LRP1B: variants seen among roughly 807,000 people sequenced by gnomAD.
The protein encoded by LRP1B is low-density lipoprotein receptor-related protein 1B.
In LRP1B, 217 loss-of-function variants were observed where a neutral mutation model predicts 556.6. The observed-to-expected ratio is 0.39, with a 90% CI of 0.35 to 0.44. LRP1B has a LOEUF of 0.44. Among genes scored for constraint, LRP1B ranks in the 20% least tolerant of loss-of-function variants. LRP1B has a pLI of 1.00. For synonymous variants in LRP1B, 2,047 were observed against 1,865.8 expected (o/e 1.10, Z -2.50); for missense variants, 5,053 against 5,620.8 (o/e 0.90, Z 3.23).
chr2:141,415,402 G>A (rs1262135774), intron 3 of LRP1B, among the ~76,000 whole-genome samples: 2 of 152,002 alleles, frequency 1.3e-5, no homozygotes, highest in East Asian at 1.9e-4. Flanking sequence ...GTTCCTACAA[G>A]AGAATAGCTA....
At chr2:141,155,999 A>G in intron 7 of LRP1B, among the ~76,000 whole-genome samples, 1 of 152,064 alleles carries the variant, frequency 6.6e-6, no homozygotes, top group Admixed American at 6.6e-5. Flanking sequence ...AAGGACTCCA[A>G]CTCCATCACC....
chr2:142,127,451 T>A (rs2105022554), intron 1 of LRP1B, among the ~76,000 whole-genome samples: 1 of 152,002 alleles, frequency 6.6e-6, no homozygotes, highest in South Asian at 2.1e-4. Flanking sequence ...TAACTCCATT[T>A]TTCCTCCTGA....
chr2:141,759,798 C>G (rs939403149), intron 2 of LRP1B, among the ~76,000 whole-genome samples: 2 of 152,086 alleles, frequency 1.3e-5, no homozygotes, highest in African/African-American at 4.8e-5. Flanking sequence ...GAGACATTGT[C>G]TGAGAACTTT....
Position 140,908,685 on chromosome 2 carries a change from C to T in LRP1B, c.3320-608G>A, listed in dbSNP as rs140665483. 2.4e-4 allele frequency among the ~76,000 whole-genome samples: 36 copies of T among 151,838 alleles called. No individual in the cohort carries two copies. In the East Asian group the frequency reaches 4.3e-3, roughly 18 times the overall value. On this transcript the variant is annotated intron_variant, in intron 21 of 90. Coordinates refer to ENST00000389484, the MANE Select transcript of LRP1B (RefSeq NM_018557.3). ...CATTTTGGCGACTAACATGTATAGA[C>T]GGAATTTATAGAATTTTTTTATTGT...
At chr2:140,965,150 G>A (rs716000) in intron 18 of LRP1B, among the ~76,000 whole-genome samples, 17,285 of 152,132 alleles carry the variant, frequency 0.11, 1,068 homozygotes, top group East Asian at 0.19. Context: ...GCATATTAAA[G>A]TTCCCCTGGG....
chr2:141,291,652 C>T (rs1258979256), intron 3 of LRP1B, among the ~76,000 whole-genome samples: 3 of 151,796 alleles, frequency 2.0e-5, no homozygotes, highest in East Asian at 1.9e-4. Context: ...GTCAGGATAT[C>T]GAGACCATCC....
In LRP1B at chr2:140,867,730, C is replaced by T. The variant is rs1246976675; in HGVS notation, c.4439G>A (p.Ser1480Asn). ...SHPFAVSLYG[S>N]EVYWTDWRTN... is the part of the protein sequence containing the mutation. The stretch of plus-strand genomic sequence containing the variant: ...CCTCCAGTCTGTCCAGTAGACTTCA[C>T]TCCCATATAGAGACACAGCAAAGGG... The change falls in exon 27 of 91, where the codon AGT (serine) becomes AAT (asparagine). Residue 1480 changes from serine (S) to asparagine (N), a missense_variant. By Grantham distance (46) the Ser-to-Asn change is conservative (BLOSUM62 1). Transcript: ENST00000389484. The T allele has an allele frequency of 1.9e-6, 3 of 1,612,882 alleles. No homozygotes were observed. Among genetic ancestry groups the T allele is most frequent in the Non-Finnish European group, 2.5e-6 (3 of 1,179,392 alleles).
At chr2:141,940,217 CAT>C (rs1700756316) in intron 1 of LRP1B, among the ~76,000 whole-genome samples, 1 of 152,072 alleles carries the variant, frequency 6.6e-6, no homozygotes, top group African/African-American at 2.4e-5. Context: ...ACAAAGAAGA[CAT>C]ATTTTTAAAA....
chr2:140,629,436 C>T (rs1683798900), intron 41 of LRP1B, among the ~76,000 whole-genome samples: 1 of 152,040 alleles, frequency 6.6e-6, no homozygotes, highest in Non-Finnish European at 1.5e-5. Flanking sequence ...TTCAAAAAGT[C>T]TACTTCTAGG....
chr2:141,287,199 T>C (rs144780440), intron 3 of LRP1B, among the ~76,000 whole-genome samples: 4 of 152,316 alleles, frequency 2.6e-5, no homozygotes, highest in African/African-American at 9.6e-5. Context: ...TTAATTTCTG[T>C]TGTTATGTTC....
chr2:140,353,692 G>A (rs1682077867), intron 75 of LRP1B, among the ~76,000 whole-genome samples: 1 of 151,942 alleles, frequency 6.6e-6, no homozygotes, highest in South Asian at 2.1e-4. Flanking sequence ...TTGCTCTCCT[G>A]GTGTTTCTCT....
At chr2:140,646,314 G>C (rs1471514243) in intron 41 of LRP1B, among the ~76,000 whole-genome samples, 1 of 151,454 alleles carries the variant, frequency 6.6e-6, no homozygotes, top group Non-Finnish European at 1.5e-5. Flanking sequence ...CCTGATCACC[G>C]CATGTTTGAA....
intron 73 of LRP1B, 35 bp from the exon 74 acceptor site, chr2:140,358,151 C>T (rs2105135778): frequency 6.3e-7 from 1 of 1,593,038 alleles, no homozygotes; most frequent in Non-Finnish European, 8.6e-7. Context: ...TAGTGCTTCA[C>T]AGAATCAAAA....
At chr2:140,999,066 G>A (rs559187883) in intron 15 of LRP1B, among the ~76,000 whole-genome samples, 1 of 151,904 alleles carries the variant, frequency 6.6e-6, no homozygotes, top group South Asian at 2.1e-4. Flanking sequence ...TTTTTCATCT[G>A]CAAACTAAGG....
chr2:140,447,143 T>C (rs1248389910), intron 63 of LRP1B, among the ~76,000 whole-genome samples: 4 of 151,984 alleles, frequency 2.6e-5, no homozygotes, highest in Admixed American at 6.6e-5. Context: ...TTAGGCATTG[T>C]AAAAAAAGAA....
At chr2:141,731,679 C>T (rs1693278917) in intron 2 of LRP1B, among the ~76,000 whole-genome samples, 1 of 152,072 alleles carries the variant, frequency 6.6e-6, no homozygotes, top group African/African-American at 2.4e-5. Flanking sequence ...CTAGACTATC[C>T]AGTTCAAAGC....
At chr2:140,411,600 T>C (rs66671195) in intron 66 of LRP1B, among the ~76,000 whole-genome samples, 13,751 of 152,122 alleles carry the variant, frequency 0.09, 750 homozygotes, top group Middle Eastern at 0.14. Flanking sequence ...GCTAGTTAGT[T>C]GGTGACAAAA....
At chr2:141,878,141 C>CT (rs1326907704) in intron 1 of LRP1B, among the ~76,000 whole-genome samples, 13 of 151,166 alleles carry the variant, frequency 8.6e-5, no homozygotes, top group East Asian at 2.0e-4. Context: ...CATAGAAAGA[C>CT]TTTTTTTTTC....
chr2:141,122,721 A>G (rs1283974916), intron 7 of LRP1B, among the ~76,000 whole-genome samples: 7 of 152,176 alleles, frequency 4.6e-5, no homozygotes, highest in Non-Finnish European at 2.9e-5. Flanking sequence ...AACTAGAAAT[A>G]CCATTTGACC....
Sources: allele counts gnomAD v4.1 joint callset (sites outside exome capture counted in the v4.1 genomes callset), GRCh38; gene constraint gnomAD v4.1.1; transcripts MANE v1.5; gene names NCBI Gene and HGNC (gene_info 2026-07-23, HGNC 2026-07-21).